Variants in SLC35E3 observed in about 807,000 individuals in gnomAD.
SLC35E3 encodes bladder cancer-overexpressed gene 1 protein.
SLC35E3 carries 28 observed loss-of-function variants against 30.8 expected under a neutral mutation model. That is an observed-to-expected ratio of 0.91 (90% CI 0.67 to 1.25). SLC35E3 has a LOEUF of 1.25. Ranked by LOEUF, SLC35E3 falls within the 50% of genes most tolerant of loss-of-function variation. The pLI is 0.00. For missense variants in SLC35E3, 365 were observed against 375.4 expected (o/e 0.97, Z 0.23); for synonymous variants, 146 against 149.2 (o/e 0.98, Z 0.16).
chr12:68,749,663 A>G (rs1013204216), intron 2 of SLC35E3, among the ~76,000 whole-genome samples: 15 of 152,182 alleles, frequency 9.9e-5, no homozygotes, highest in Admixed American at 5.9e-4. Flanking sequence ...GTGAGGTAAG[A>G]CTTTACGGAA....
chr12:68,750,176 A>C (rs1434629564), intron 2 of SLC35E3, among the ~76,000 whole-genome samples: 1 of 152,166 alleles, frequency 6.6e-6, no homozygotes, highest in African/African-American at 2.4e-5. Context: ...CTGATCCCTG[A>C]GGGAGATTAT....
intron 4 of SLC35E3, among the ~76,000 whole-genome samples, chr12:68,761,048 G>A (rs537617931): frequency 8.3e-4 from 127 of 152,254 alleles, no homozygotes; most frequent in Admixed American, 1.4e-3. Context: ...TCCAGGCAGA[G>A]GCAACAGCAG....
In SLC35E3 at chr12:68,768,809, A is replaced by G. The variant is rs1879526829; in HGVS notation, c.*3919A>G. Reference sequence around the variant, plus strand: ...GCAGAAATGAATGAAACAAAATTCCATCTCCTTTTAGAAATAACATAAAGG... The same window carrying G: ...GCAGAAATGAATGAAACAAAATTCCGTCTCCTTTTAGAAATAACATAAAGG... On this transcript the variant is annotated 3_prime_UTR_variant, in exon 5 of 5. Transcript: ENST00000398004. 6.6e-6 allele frequency: 1 copy of G among 152,234 alleles called. No homozygotes were observed. Among genetic ancestry groups the G allele is most frequent in the African/African-American group, 2.4e-5 (1 of 41,454 alleles). The allele number at this position is 152,234 out of a possible 1,614,324, so 9.4% of individuals were successfully genotyped here. A position where few individuals can be genotyped will look rare whatever the true frequency, so the allele number is the denominator to read the frequency against.
chr12:68,772,315 G>C lies in SLC35E3; in HGVS notation c.*7425G>C, dbSNP rs1879623406. ...AGCCTCCCAAAGTGCTGGGATTACA[G>C]GTGTGAGCCACCACGCCTGGCCTGT... On this transcript the variant is annotated 3_prime_UTR_variant, in exon 5 of 5. Coordinates refer to ENST00000398004, the MANE Select transcript of SLC35E3 (RefSeq NM_018656.5). 6.6e-6 allele frequency: 1 copy of C among 152,098 alleles called. No individual in the cohort carries two copies. The highest frequency in any genetic ancestry group is 1.9e-4 in the East Asian group (1 of 5,204). 9.4% of individuals were successfully genotyped at this position (152,098 alleles called of 1,614,324 possible).
intron 2 of SLC35E3, among the ~76,000 whole-genome samples, chr12:68,750,978 C>T (rs551490876): frequency 1.3e-5 from 2 of 152,206 alleles, no homozygotes; most frequent in South Asian, 4.1e-4. Context: ...CCTGTTAAAT[C>T]TTCTTCAAAG....
rs564789777 is a variant in SLC35E3 at position 68,747,916 on chromosome 12, C to T, written c.403-14C>T. On this transcript the variant is annotated splice_polypyrimidine_tract_variant and intron_variant, in intron 1 of 4. Coordinates refer to ENST00000398004, the MANE Select transcript of SLC35E3 (RefSeq NM_018656.5). ...AATTTAATCTGAACAACATTTACCT[C>T]TTTTTCGTTACAGATTCCTATAACT... 7.2e-7 allele frequency: 1 copy of T among 1,384,030 alleles called. No individual in the cohort carries two copies. 85.7% of individuals were successfully genotyped at this position (1,384,030 alleles called of 1,614,324 possible).
chr12:68,746,422 C>G lies in SLC35E3; in HGVS notation c.45C>G (p.Ala15=), dbSNP rs780447808. The G allele has an allele frequency of 6.2e-7, 1 of 1,610,906 alleles. No homozygotes were observed. The highest frequency in any genetic ancestry group is 2.2e-5 in the East Asian group (1 of 44,856). Residue 15 remains alanine, a synonymous_variant, in exon 1 of 5, where the codon GCC becomes GCG. Transcript: ENST00000398004. ...VDRVRGHWRI[A]AGLLFNLLVS... is the part of the protein sequence containing the mutation. ...GAGTGCGGGGCCACTGGCGAATCGC[C>G]GCCGGGCTCCTGTTCAACCTGCTGG...
rs1389056535 is a variant in SLC35E3 at position 68,766,674 on chromosome 12, T to G, written c.*1784T>G. 4.8e-6 allele frequency: 2 copies of G among 413,614 alleles called. No individual in the cohort carries two copies. Among genetic ancestry groups the G allele is most frequent in the Non-Finnish European group, 9.8e-6 (2 of 204,894 alleles). The allele number at this position is 413,614 out of a possible 1,614,324, so 25.6% of individuals were successfully genotyped here. A position where few individuals can be genotyped will look rare whatever the true frequency, so the allele number is the denominator to read the frequency against. On this transcript the variant is annotated 3_prime_UTR_variant, in exon 5 of 5. Coordinates refer to ENST00000398004, the MANE Select transcript of SLC35E3 (RefSeq NM_018656.5). The stretch of plus-strand genomic sequence containing the variant: ...ATCATGGCTCACTGCAGCCTCAGCC[T>G]CCTGGGCTCAAGCAATCCTCCTGCC...
In SLC35E3 at chr12:68,748,783, C is replaced by T. The variant is rs925777992; in HGVS notation, c.513+743C>T. Among the ~76,000 whole-genome samples, 5 of 152,054 alleles carry T rather than the reference C, an allele frequency of 3.3e-5. No individual in the cohort carries two copies. The East Asian group carries it at 5.8e-4, about 18-fold the overall frequency. On this transcript the variant is annotated intron_variant, in intron 2 of 4. Coordinates refer to ENST00000398004, the MANE Select transcript of SLC35E3 (RefSeq NM_018656.5). ...CCTTGGTCTGGAAATTCTGGGTGTG[C>T]CTGCATGGGGAATCAAAGCCAAAAT...
rs1252412357 is a variant in SLC35E3 at position 68,769,665 on chromosome 12, T to G, written c.*4775T>G. 2 of 152,002 alleles carry G rather than the reference T, an allele frequency of 1.3e-5. No homozygotes were observed. Among genetic ancestry groups the G allele is most frequent in the African/African-American group, 4.8e-5 (2 of 41,382 alleles). 9.4% of individuals were successfully genotyped at this position (152,002 alleles called of 1,614,324 possible). A position where few individuals can be genotyped will look rare whatever the true frequency, so the allele number is the denominator to read the frequency against. Reference sequence around the variant, plus strand: ...CAAGAGCAAAACTGTCTCAAATAAATAAATAATAAAAGAAAGGAGACCGGA... The same window carrying G: ...CAAGAGCAAAACTGTCTCAAATAAAGAAATAATAAAAGAAAGGAGACCGGA... On this transcript the variant is annotated 3_prime_UTR_variant, in exon 5 of 5. Transcript: ENST00000398004.
chr12:68,746,297 C>A lies in SLC35E3; in HGVS notation c.-81C>A. 1 of 1,398,638 alleles carries A rather than the reference C, an allele frequency of 7.1e-7. No individual in the cohort carries two copies. Among genetic ancestry groups the A allele is most frequent in the South Asian group, 1.4e-5 (1 of 71,766 alleles). 86.6% of individuals were successfully genotyped at this position (1,398,638 alleles called of 1,614,324 possible). A position where few individuals can be genotyped will look rare whatever the true frequency, so the allele number is the denominator to read the frequency against. On this transcript the variant is annotated 5_prime_UTR_variant, in exon 1 of 5. Coordinates refer to ENST00000398004, the MANE Select transcript of SLC35E3 (RefSeq NM_018656.5). ...ACGGTGAGGTCGGCGTCTGCGAGGA[C>A]GCGGCGGTGGAGTAGAAGGGCAGCC...
rs1351609031 is a variant in SLC35E3, at chr12:68,770,092, G to C, written c.*5202G>C. On this transcript the variant is annotated 3_prime_UTR_variant, in exon 5 of 5. Coordinates refer to ENST00000398004, the MANE Select transcript of SLC35E3 (RefSeq NM_018656.5). ...GTCATAGATACATAGAAGTTAGCTA[G>C]CTAGGCAGAGGGAGGGTATTGCATT... 1 of 152,118 alleles carries C rather than the reference G, an allele frequency of 6.6e-6. No individual in the cohort carries two copies. Among genetic ancestry groups the C allele is most frequent in the East Asian group, 1.9e-4 (1 of 5,196 alleles). The allele number at this position is 152,118 out of a possible 1,614,324, so 9.4% of individuals were successfully genotyped here. A position where few individuals can be genotyped will look rare whatever the true frequency, so the allele number is the denominator to read the frequency against.
intron 3 of SLC35E3, among the ~76,000 whole-genome samples, chr12:68,758,176 CT>C (rs1242791680): frequency 6.6e-6 from 1 of 151,098 alleles, no homozygotes; most frequent in Non-Finnish European, 1.5e-5. Context: ...AATCCCAGCA[CT>C]TTGGGAGGCC....
At position 68,775,978 on chromosome 12, in the gene SLC35E3, A is replaced by G. The variant is rs1879731782; in HGVS notation, c.*11088A>G. The G allele has an allele frequency of 8.9e-6, 1 of 112,806 alleles. No homozygotes were observed. The highest frequency in any genetic ancestry group is 9.9e-5 in the Admixed American group (1 of 10,068). The allele number at this position is 112,806 out of a possible 1,614,324, so 7.0% of individuals were successfully genotyped here. A position where few individuals can be genotyped will look rare whatever the true frequency, so the allele number is the denominator to read the frequency against. On this transcript the variant is annotated 3_prime_UTR_variant, in exon 5 of 5. Transcript: ENST00000398004. ...AAAAAAAAAAAAAAAAAAAAAAAAA[A>G]AGGCCAGACTTGGTAGCTAACACCT...
At position 68,773,862 on chromosome 12, in the gene SLC35E3, A is replaced by C. The variant is rs1418065161; in HGVS notation, c.*8972A>C. The stretch of plus-strand genomic sequence containing the variant: ...TAAGGCACAGTTGGTTTCCTAAGCA[A>C]ATGCCCATTCCTATTCTTTGTTCAT... On this transcript the variant is annotated 3_prime_UTR_variant, in exon 5 of 5. Coordinates refer to ENST00000398004, the MANE Select transcript of SLC35E3 (RefSeq NM_018656.5). 6.6e-6 allele frequency: 1 copy of C among 152,188 alleles called. No homozygotes were observed. Among genetic ancestry groups the C allele is most frequent in the Admixed American group, 6.6e-5 (1 of 15,266 alleles). The allele number at this position is 152,188 out of a possible 1,614,324, so 9.4% of individuals were successfully genotyped here. A position where few individuals can be genotyped will look rare whatever the true frequency, so the allele number is the denominator to read the frequency against.
At position 68,755,370 on chromosome 12, in the gene SLC35E3, C is replaced by T. The variant is rs191111690; in HGVS notation, c.672+3180C>T. ...CAGTGGGAATATCTTTTTTGTTGGTCGCATCAATTTATCAAGCACCTATAT... is the reference window on the plus strand; with the variant it reads ...CAGTGGGAATATCTTTTTTGTTGGTTGCATCAATTTATCAAGCACCTATAT... On this transcript the variant is annotated intron_variant, in intron 3 of 4. Coordinates refer to ENST00000398004, the MANE Select transcript of SLC35E3 (RefSeq NM_018656.5). 3.9e-5 allele frequency among the ~76,000 whole-genome samples: 6 copies of T among 152,188 alleles called. No homozygotes were observed. In the East Asian group the frequency reaches 7.7e-4, roughly 20 times the overall value.
At chr12:68,756,730 A>G (rs778655454) in intron 3 of SLC35E3, among the ~76,000 whole-genome samples, 28 of 152,218 alleles carry the variant, frequency 1.8e-4, no homozygotes, top group Non-Finnish European at 3.4e-4. Flanking sequence ...GGCCAGGCGC[A>G]GTGGCTCACC....
Position 68,778,966 on chromosome 12 carries a change from G to C in SLC35E3, c.*14076G>C, listed in dbSNP as rs143263522. The stretch of plus-strand genomic sequence containing the variant: ...CTAAAAATACAAAAGTTAGTTGGGC[G>C]TGGTGGTGTGCCCCTGTAATCCCAG... On this transcript the variant is annotated 3_prime_UTR_variant, in exon 5 of 5. Coordinates refer to ENST00000398004, the MANE Select transcript of SLC35E3 (RefSeq NM_018656.5). 6.6e-6 allele frequency: 1 copy of C among 152,066 alleles called. No individual in the cohort carries two copies. Among genetic ancestry groups the C allele is most frequent in the Non-Finnish European group, 1.5e-5 (1 of 68,096 alleles). 9.4% of individuals were successfully genotyped at this position (152,066 alleles called of 1,614,324 possible). A position where few individuals can be genotyped will look rare whatever the true frequency, so the allele number is the denominator to read the frequency against.
intron 1 of SLC35E3, among the ~76,000 whole-genome samples, chr12:68,747,134 A>C (rs1188233044): frequency 1.3e-5 from 2 of 152,276 alleles, no homozygotes; most frequent in Admixed American, 6.5e-5. Context: ...CGTGTATGAT[A>C]AAACGTGAAA....
Sources: allele counts gnomAD v4.1 joint callset (sites outside exome capture counted in the v4.1 genomes callset), GRCh38; gene constraint gnomAD v4.1.1; transcripts MANE v1.5; gene names NCBI Gene and HGNC (gene_info 2026-07-23, HGNC 2026-07-21).